DGLUCY: variants seen among roughly 807,000 people sequenced by gnomAD.
The protein encoded by DGLUCY is D-glutamate cyclase, mitochondrial.
In DGLUCY, 58 loss-of-function variants were observed where a neutral mutation model predicts 58.5. The observed-to-expected ratio is 0.99, with a 90% CI of 0.80 to 1.23. The LOEUF is 1.23. Among genes scored for constraint, DGLUCY ranks in the 50% most tolerant of loss-of-function variants. DGLUCY has a pLI of 0.00. For missense variants in DGLUCY, 779 were observed against 784.7 expected, an observed-to-expected ratio of 0.99 and a Z score of 0.09; for synonymous variants, 325 against 314.1, an observed-to-expected ratio of 1.03 and a Z score of -0.37.
intron 1 of DGLUCY, among the ~76,000 whole-genome samples, chr14:91,140,623 A>G (rs1306330555): frequency 6.6e-6 from 1 of 152,230 alleles, no homozygotes; most frequent in Non-Finnish European, 1.5e-5. Context: ...GTGAGCCTAG[A>G]TCACGCCATT....
chr14:91,173,995 A>G (rs2048721302), intron 6 of DGLUCY, among the ~76,000 whole-genome samples: 1 of 152,050 alleles, frequency 6.6e-6, no homozygotes, highest in African/African-American at 2.4e-5. Flanking sequence ...CAGAAAGACT[A>G]AGGTAGGATT....
chr14:91,171,294 G>A (rs2048562436), intron 5 of DGLUCY, among the ~76,000 whole-genome samples: 1 of 152,242 alleles, frequency 6.6e-6, no homozygotes, highest in African/African-American at 2.4e-5. Flanking sequence ...ACAATTAAAT[G>A]ATGCTTTGCA....
intron 11 of DGLUCY, among the ~76,000 whole-genome samples, chr14:91,202,890 G>A (rs570531711): frequency 1.3e-5 from 2 of 152,214 alleles, no homozygotes; most frequent in South Asian, 2.1e-4. Context: ...GGCCCCCGCC[G>A]CCCCAGACCC....
At chr14:91,218,587 G>T (rs571218310) in intron 13 of DGLUCY, among the ~76,000 whole-genome samples, 4 of 151,890 alleles carry the variant, frequency 2.6e-5, no homozygotes, top group Non-Finnish European at 5.9e-5. Flanking sequence ...ATTTTTAATG[G>T]TGACGGGGTT....
In DGLUCY at chr14:91,167,367, C is replaced by A; in HGVS notation, c.246C>A (p.Ile82=). ...EKWMLPPQGA[I]SETRMGHPQF... The stretch of plus-strand genomic sequence containing the variant: ...GGATGCTGCCCCCTCAAGGTGCTAT[C>A]TCAGAGACCAGGTAAAAAGCTTGGG... Residue 82 remains isoleucine (I), a synonymous_variant, in exon 4 of 14, where the codon ATC becomes ATA. Transcript: ENST00000256324. 1 of 1,614,158 alleles carries A rather than the reference C, an allele frequency of 6.2e-7. No homozygotes were observed. The highest frequency in any genetic ancestry group is 8.5e-7 in the Non-Finnish European group (1 of 1,180,032).
intron 13 of DGLUCY, among the ~76,000 whole-genome samples, chr14:91,218,418 T>C (rs1250838834): frequency 7.2e-6 from 1 of 139,300 alleles, no homozygotes; most frequent in Non-Finnish European, 1.6e-5. Context: ...TTTTTTTTTT[T>C]CTTGAGATGG....
At chr14:91,218,815 G>C (rs147932970) in intron 13 of DGLUCY, among the ~76,000 whole-genome samples, 1 of 152,140 alleles carries the variant, frequency 6.6e-6, no homozygotes, top group African/African-American at 2.4e-5. Context: ...CTGGGTGGGG[G>C]ACTCAGGGTC....
Position 91,122,570 on chromosome 14 carries a change from T to G in DGLUCY, c.-82+8287T>G, listed in dbSNP as rs537020058. The stretch of plus-strand genomic sequence containing the variant: ...TTAAAATGATTAAGATGGTCAATGT[T>G]ATGTGTATTTTAACTATAATAAAAG... On this transcript the variant is annotated intron_variant, in intron 1 of 13. Transcript: ENST00000256324. 2.1e-4 allele frequency among the ~76,000 whole-genome samples: 32 copies of G among 152,034 alleles called. No homozygotes were observed. The South Asian group carries it at 6.6e-3, about 32-fold the overall frequency.
chr14:91,124,633 A>G (rs2045570033), intron 1 of DGLUCY, among the ~76,000 whole-genome samples: 2 of 152,208 alleles, frequency 1.3e-5, no homozygotes, highest in South Asian at 4.1e-4. Flanking sequence ...GTGGTTAATC[A>G]GAAACAAATC....
intron 12 of DGLUCY, 121 bp downstream of exon 12, chr14:91,204,946 G>C (rs1884301445): frequency 7.4e-7 from 1 of 1,356,672 alleles, no homozygotes; most frequent in Non-Finnish European, 1.0e-6. Context: ...CCAGGGCAGG[G>C]AGGGGAGGTG....
exon 1 of DGLUCY, chr14:91,060,699 A>T: frequency 5.6e-6 from 2 of 355,230 alleles, no homozygotes; most frequent in Non-Finnish European, 9.9e-6. Flanking sequence ...GCCCACAGCC[A>T]GCAAGGTAAG....
chr14:91,155,116 T>C (rs954530006), intron 1 of DGLUCY, among the ~76,000 whole-genome samples: 2 of 152,204 alleles, frequency 1.3e-5, no homozygotes, highest in South Asian at 2.1e-4. Flanking sequence ...GCTAAGCACA[T>C]GGTGTTATAG....
Position 91,173,209 on chromosome 14 carries a change from A to T in DGLUCY, c.457-80A>T. ...CTCCTCCTTCATTTAGCTGCCTTGA[A>T]CTCTTGGTGCTCAGAGCTTGGATCT... On this transcript the variant is annotated intron_variant, in intron 5 of 13. Coordinates refer to ENST00000256324, the MANE Select transcript of DGLUCY (RefSeq NM_001102368.3). The T allele has an allele frequency of 4.0e-6, 6 of 1,510,738 alleles. No individual in the cohort carries two copies. In the South Asian group the frequency reaches 4.6e-5, roughly 12 times the overall value. 93.6% of individuals were successfully genotyped at this position (1,510,738 alleles called of 1,614,324 possible).
At chr14:91,196,725 T>C (rs1430599727) in intron 10 of DGLUCY, among the ~76,000 whole-genome samples, 2 of 128,960 alleles carry the variant, frequency 1.6e-5, no homozygotes, top group African/African-American at 3.1e-5. Flanking sequence ...ATCTTCCTGA[T>C]AGAGGGGAGA....
intron 8 of DGLUCY, among the ~76,000 whole-genome samples, chr14:91,188,159 C>G (rs2049638784): frequency 2.0e-5 from 3 of 152,168 alleles, no homozygotes; most frequent in African/African-American, 4.8e-5. Flanking sequence ...ATCTGCTCCA[C>G]TCAGTCACTC....
chr14:91,106,929 T>C (rs977517324), upstream of DGLUCY, among the ~76,000 whole-genome samples: 9 of 152,196 alleles, frequency 5.9e-5, no homozygotes, highest in African/African-American at 1.9e-4. Context: ...ATAATCCACA[T>C]CCCATACAAT....
At chr14:91,171,433 A>G (rs533122907) in intron 5 of DGLUCY, among the ~76,000 whole-genome samples, 1 of 152,148 alleles carries the variant, frequency 6.6e-6, no homozygotes, top group Non-Finnish European at 1.5e-5. Flanking sequence ...TAATATCGAC[A>G]CCTCTGCCCC....
intron 6 of DGLUCY, 135 bp from the exon 7 acceptor site, chr14:91,175,799 C>A: frequency 9.9e-7 from 1 of 1,014,850 alleles, no homozygotes; most frequent in Non-Finnish European, 1.5e-6. Context: ...TTCTCCTTCA[C>A]CTCTTCCTCA....
exon 1 of DGLUCY, chr14:91,060,470 AG>A: frequency 7.3e-7 from 1 of 1,378,686 alleles, no homozygotes. Context: ...GGTCGCTACG[AG>A]GGGAACCCAG....
Sources: allele counts gnomAD v4.1 joint callset (sites outside exome capture counted in the v4.1 genomes callset), GRCh38; gene constraint gnomAD v4.1.1; transcripts MANE v1.5; gene names NCBI Gene and HGNC (gene_info 2026-07-23, HGNC 2026-07-21).